FSIP1: variants seen among roughly 807,000 people sequenced by gnomAD.
FSIP1 encodes the protein fibrous sheath-interacting protein 1.
Under a neutral mutation model 60.9 loss-of-function variants are expected in FSIP1, and 65 were observed. That is an observed-to-expected ratio of 1.07 (90% CI 0.87 to 1.31). The LOEUF is 1.31. FSIP1 is among the 40% of genes most tolerant of loss of function. The pLI is 0.00. For missense variants in FSIP1, 675 were observed against 665.5 expected (o/e 1.01, Z -0.16); for synonymous variants, 209 against 221.2 (o/e 0.94, Z 0.49).
At chr15:39,700,160 C>T (rs1379053562) in intron 10 of FSIP1, among the ~76,000 whole-genome samples, 1 of 152,186 alleles carries the variant, frequency 6.6e-6, no homozygotes, top group Non-Finnish European at 1.5e-5. Flanking sequence ...TGTAATGGCC[C>T]AAGCTTTCCA....
chr15:39,620,492 G>A (rs760855342), intron 10 of FSIP1, among the ~76,000 whole-genome samples: 2 of 151,832 alleles, frequency 1.3e-5, no homozygotes, highest in Non-Finnish European at 1.5e-5. Flanking sequence ...GGAAGGCTGA[G>A]GCAAGGGGCT....
At chr15:39,751,990 C>T (rs1156475204) in intron 5 of FSIP1, among the ~76,000 whole-genome samples, 2 of 151,790 alleles carry the variant, frequency 1.3e-5, no homozygotes, top group Admixed American at 6.6e-5. Context: ...ATATCAAAAC[C>T]ATGACCACAA....
intron 5 of FSIP1, among the ~76,000 whole-genome samples, chr15:39,746,413 T>C (rs1896995612): frequency 6.6e-6 from 1 of 152,254 alleles, no homozygotes; most frequent in Non-Finnish European, 1.5e-5. Context: ...GTCATACTTC[T>C]TTCTACATCT....
At position 39,744,748 on chromosome 15, in the gene FSIP1, G is replaced by C. The variant is rs866292186; in HGVS notation, c.560-2848C>G. ...AAGTAGTCTGTCTGTCTGTCTGTCTGTCTCTCTCTCTCTCTCTCTCCCCCT... is the reference window on the plus strand; with the variant it reads ...AAGTAGTCTGTCTGTCTGTCTGTCTCTCTCTCTCTCTCTCTCTCTCCCCCT... On this transcript the variant is annotated intron_variant, in intron 5 of 11. Transcript: ENST00000350221. Among the ~76,000 whole-genome samples the C allele has an allele frequency of 1.3e-3, 191 of 142,062 alleles. 1 individual carries two copies. The highest frequency in any genetic ancestry group is 2.5e-3 in the Non-Finnish European group (161 of 63,812). The allele number at this position is 142,062 out of a possible 152,430, so 93.2% of individuals were successfully genotyped here.
At chr15:39,760,646 A>G (rs1897464574) in intron 5 of FSIP1, among the ~76,000 whole-genome samples, 1 of 152,216 alleles carries the variant, frequency 6.6e-6, no homozygotes, top group African/African-American at 2.4e-5. Context: ...AGACAAGGAA[A>G]GACTGAGGAA....
At chr15:39,775,527 A>T (rs1271078291) in intron 2 of FSIP1, among the ~76,000 whole-genome samples, 1 of 152,150 alleles carries the variant, frequency 6.6e-6, no homozygotes, top group Non-Finnish European at 1.5e-5. Flanking sequence ...AAAAAAAATA[A>T]GGTCACAGCC....
At chr15:39,653,685 A>C (rs1249581101) in intron 10 of FSIP1, among the ~76,000 whole-genome samples, 1 of 152,124 alleles carries the variant, frequency 6.6e-6, no homozygotes, top group Non-Finnish European at 1.5e-5. Flanking sequence ...ACAGCGAATG[A>C]GTCTCAAGAG....
At chr15:39,615,227 C>T (rs1383163531) in intron 11 of FSIP1, among the ~76,000 whole-genome samples, 3 of 151,568 alleles carry the variant, frequency 2.0e-5, no homozygotes, top group Admixed American at 6.6e-5. Flanking sequence ...TTTTTTAATA[C>T]GACCTTGAAG....
intron 8 of FSIP1, among the ~76,000 whole-genome samples, chr15:39,731,439 T>C (rs908427624): frequency 6.6e-6 from 1 of 152,046 alleles, no homozygotes; most frequent in African/African-American, 2.4e-5. Flanking sequence ...CACAAAAAAG[T>C]AAAACTATGA....
intron 10 of FSIP1, among the ~76,000 whole-genome samples, chr15:39,626,105 C>T (rs896681735): frequency 1.3e-5 from 2 of 152,166 alleles, no homozygotes; most frequent in African/African-American, 4.8e-5. Context: ...TTAAACCTCA[C>T]CCTCTTGCAG....
chr15:39,618,483 T>A (rs1891322383), intron 10 of FSIP1, among the ~76,000 whole-genome samples: 1 of 146,502 alleles, frequency 6.8e-6, no homozygotes, highest in South Asian at 2.2e-4. Flanking sequence ...CCCACCACCA[T>A]CCAATTCCTT....
chr15:39,632,069 T>C lies in FSIP1; in HGVS notation c.1189-13824A>G, dbSNP rs890285473. ...ATTATATAAAGACTGACGAGTACAA[T>C]AGATGTTCAATGTGGTGGTTGTCGG... is the stretch of plus-strand genomic sequence containing the variant. On this transcript the variant is annotated intron_variant, in intron 10 of 11. Transcript: ENST00000350221. 5.3e-5 allele frequency among the ~76,000 whole-genome samples: 8 copies of C among 152,320 alleles called. No individual in the cohort carries two copies. In the South Asian group the frequency reaches 6.2e-4, roughly 12 times the overall value.
intron 10 of FSIP1, among the ~76,000 whole-genome samples, chr15:39,701,338 G>A (rs1895050589): frequency 6.6e-6 from 1 of 151,966 alleles, no homozygotes; most frequent in Non-Finnish European, 1.5e-5. Context: ...CCACCTTATT[G>A]GCAAAAAAAT....
At chr15:39,717,938 C>T (rs1009103111) in intron 9 of FSIP1, among the ~76,000 whole-genome samples, 2 of 152,222 alleles carry the variant, frequency 1.3e-5, no homozygotes, top group Non-Finnish European at 2.9e-5. Flanking sequence ...ACCGCTCAAG[C>T]GCTCACGCTG....
intron 11 of FSIP1, among the ~76,000 whole-genome samples, chr15:39,607,917 C>T (rs938933008): frequency 6.6e-6 from 1 of 152,216 alleles, no homozygotes; most frequent in African/African-American, 2.4e-5. Context: ...AACAGCCAAA[C>T]ACGCAGCAAC....
intron 9 of FSIP1, among the ~76,000 whole-genome samples, chr15:39,725,481 G>A (rs1442746815): frequency 6.6e-6 from 1 of 152,196 alleles, no homozygotes; most frequent in Non-Finnish European, 1.5e-5. Context: ...CAACTGGCAT[G>A]AAGCTAGATC....
chr15:39,769,838 T>C (rs1355126939), intron 3 of FSIP1, among the ~76,000 whole-genome samples: 2 of 152,208 alleles, frequency 1.3e-5, no homozygotes, highest in East Asian at 1.9e-4. Flanking sequence ...ATTCCTTTTA[T>C]ACCATCAGTG....
chr15:39,725,651 AG>A (rs1260576302), intron 9 of FSIP1, among the ~76,000 whole-genome samples: 1 of 152,236 alleles, frequency 6.6e-6, no homozygotes, highest in Non-Finnish European at 1.5e-5. Context: ...AAGCTGCTAC[AG>A]GGTTATTACT....
At chr15:39,660,245 A>T (rs1893244391) in intron 10 of FSIP1, among the ~76,000 whole-genome samples, 1 of 152,178 alleles carries the variant, frequency 6.6e-6, no homozygotes, top group Non-Finnish European at 1.5e-5. Flanking sequence ...GAAAGGGGCA[A>T]CATGTCCTTG....
Sources: allele counts gnomAD v4.1 joint callset (sites outside exome capture counted in the v4.1 genomes callset), GRCh38; gene constraint gnomAD v4.1.1; transcripts MANE v1.5; gene names NCBI Gene and HGNC (gene_info 2026-07-23, HGNC 2026-07-21).